The following NIPBL variants were observed in gnomAD, a reference collection of about 807,000 sequenced individuals.
NIPBL encodes nipped-B-like protein.
A neutral mutation model predicts 321.8 loss-of-function variants in NIPBL; 19 were observed. The observed-to-expected ratio is 0.06, with a 90% confidence interval of 0.04 to 0.09. NIPBL has a LOEUF of 0.09. Among genes scored for constraint, NIPBL ranks in the 10% least tolerant of loss-of-function variants. NIPBL has a pLI of 1.00. For synonymous variants in NIPBL, 1,106 were observed against 1,114.1 expected, an observed-to-expected ratio of 0.99 and a Z score of 0.14; for missense variants, 2,210 against 3,327.0, an observed-to-expected ratio of 0.66 and a Z score of 8.26.
At chr5:37,052,756 T>C (rs569301246) in intron 42 of NIPBL, among the ~76,000 whole-genome samples, 190 bp downstream of exon 42, 2 of 152,316 alleles carry the variant, frequency 1.3e-5, no homozygotes, top group East Asian at 3.9e-4. Flanking sequence ...TGAGAATAAG[T>C]GTAATGAGGA....
chr5:36,889,888 A>AT (rs983571018), intron 1 of NIPBL, among the ~76,000 whole-genome samples: 7 of 151,644 alleles, frequency 4.6e-5, no homozygotes, highest in South Asian at 2.1e-4. Context: ...ACTTTTCTTA[A>AT]TTTTTTTTCA....
rs754843510 is a variant in NIPBL, at chr5:37,019,298, G to A, written c.4921-13G>A. On this transcript the variant is annotated splice_polypyrimidine_tract_variant and intron_variant, in intron 24 of 46. Coordinates refer to ENST00000282516, the MANE Select transcript of NIPBL (RefSeq NM_133433.4). ...GTAATATCTTTTTTGTTCTTATTTG[G>A]TTTATTCTATAGGTTTCAGGAGGGG... 4.5e-6 allele frequency: 7 copies of A among 1,567,338 alleles called. No homozygotes were observed. The East Asian group carries it at 1.1e-4, about 25-fold the overall frequency.
chr5:36,900,437 A>G (rs1378693894), intron 1 of NIPBL, among the ~76,000 whole-genome samples: 1 of 152,080 alleles, frequency 6.6e-6, no homozygotes, highest in Admixed American at 6.5e-5. Context: ...CTGTCTAGCT[A>G]TAATATCTCC....
chr5:37,039,533 G>A (rs1024662528), intron 34 of NIPBL, among the ~76,000 whole-genome samples: 6 of 152,008 alleles, frequency 3.9e-5, no homozygotes, highest in African/African-American at 7.2e-5. Flanking sequence ...GCTTTATGAA[G>A]TAGGTACTAT....
At chr5:36,947,119 T>C (rs918292629) in intron 1 of NIPBL, among the ~76,000 whole-genome samples, 3 of 152,064 alleles carry the variant, frequency 2.0e-5, no homozygotes, top group African/African-American at 7.2e-5. Context: ...ATCTGACACA[T>C]AAGAAGTGCC....
At chr5:36,916,599 C>T (rs1748476608) in intron 1 of NIPBL, among the ~76,000 whole-genome samples, 1 of 152,074 alleles carries the variant, frequency 6.6e-6, no homozygotes, top group Non-Finnish European at 1.5e-5. Flanking sequence ...GTGCTGCACC[C>T]ATTAACTCGT....
chr5:36,971,427 T>G (rs1159370777), intron 7 of NIPBL, among the ~76,000 whole-genome samples: 1 of 149,438 alleles, frequency 6.7e-6, no homozygotes, highest in African/African-American at 2.4e-5. Context: ...ACACTAAAAT[T>G]TTTTTTTTTT....
chr5:37,038,912 GT>G (rs1752017332), intron 34 of NIPBL, among the ~76,000 whole-genome samples, 174 bp downstream of exon 34: 1 of 152,074 alleles, frequency 6.6e-6, no homozygotes, highest in African/African-American at 2.4e-5. Flanking sequence ...CATAAATAAA[GT>G]TCAGGTTCCA....
intron 14 of NIPBL, among the ~76,000 whole-genome samples, 191 bp downstream of exon 14, chr5:37,001,269 C>T (rs996296465): frequency 2.6e-5 from 4 of 152,074 alleles, no homozygotes; most frequent in African/African-American, 9.7e-5. Context: ...TTCTGAATCC[C>T]TAACTATGAT....
At chr5:37,052,629 G>C (rs1161172780) in intron 42 of NIPBL, 63 bp downstream of exon 42, 11 of 1,284,054 alleles carry the variant, frequency 8.6e-6, no homozygotes, top group Non-Finnish European at 1.2e-5. Flanking sequence ...GGATAAAGTA[G>C]TCATTTTTTA....
intron 1 of NIPBL, among the ~76,000 whole-genome samples, chr5:36,929,727 T>C (rs558686267): frequency 6.6e-6 from 1 of 152,248 alleles, no homozygotes; most frequent in African/African-American, 2.4e-5. Flanking sequence ...CATTTAGGTA[T>C]TTGATCCATT....
At chr5:36,962,376 A>G (rs116399820) in intron 6 of NIPBL, 102 bp downstream of exon 6, 13,837 of 1,145,734 alleles carry the variant, frequency 0.012, 137 homozygotes, top group Non-Finnish European at 0.014. Flanking sequence ...CTAAAATACT[A>G]TACTGTATAC....
chr5:36,971,894 T>C (rs751820004), intron 7 of NIPBL, 51 bp from the exon 8 acceptor site: 1 of 1,566,758 alleles, frequency 6.4e-7, no homozygotes, highest in South Asian at 1.1e-5. Flanking sequence ...TTAAGATTTC[T>C]ATAAAGCCTC....
At position 37,010,187 on chromosome 5, in the gene NIPBL, GAGA is replaced by G; in HGVS notation, c.4525_4527del (p.Lys1509del). ...GTGTGTGGTACACTTACCATCATCA[GAGA>G]AGGACTCTAATGCAGAAGAAGATTC... is the stretch of plus-strand genomic sequence containing the variant. On this transcript the variant is annotated inframe_deletion, in exon 21 of 47. Transcript: ENST00000282516. 6.2e-7 allele frequency: 1 copy of G among 1,611,234 alleles called. No homozygotes were observed. Among genetic ancestry groups the G allele is most frequent in the Non-Finnish European group, 8.5e-7 (1 of 1,177,552 alleles).
At chr5:37,029,386 G>T (rs115147162) in intron 32 of NIPBL, among the ~76,000 whole-genome samples, 321 of 152,252 alleles carry the variant, frequency 2.1e-3, no homozygotes, top group African/African-American at 7.1e-3. Flanking sequence ...ATTCATTCTT[G>T]TTGCTAATAT....
At position 37,064,400 on chromosome 5, in the gene NIPBL, G is replaced by A. The variant is rs149040648; in HGVS notation, c.8050-127G>A. On this transcript the variant is annotated intron_variant, in intron 46 of 46. Coordinates refer to ENST00000282516, the MANE Select transcript of NIPBL (RefSeq NM_133433.4). The stretch of plus-strand genomic sequence containing the variant: ...GGCGGTCACGGTGCGTCTCATTGCC[G>A]GCAATGGAAGTGTGCCGGGAAATCC... 88 of 1,542,588 alleles carry A rather than the reference G, an allele frequency of 5.7e-5. No homozygotes were observed. In the African/African-American group the frequency reaches 9.6e-4, roughly 17 times the overall value.
At chr5:37,023,404 C>G (rs1749875885) in intron 29 of NIPBL, among the ~76,000 whole-genome samples, 1 of 152,112 alleles carries the variant, frequency 6.6e-6, no homozygotes, top group East Asian at 1.9e-4. Context: ...TTTTAAAACT[C>G]TTTAATATGA....
intron 1 of NIPBL, among the ~76,000 whole-genome samples, chr5:36,882,902 T>G (rs1435216918): frequency 1.3e-5 from 2 of 151,768 alleles, no homozygotes; most frequent in Non-Finnish European, 3.0e-5. Flanking sequence ...AAAACCCACC[T>G]TGTTACTTTA....
At chr5:37,026,204 A>C (rs761367853) in intron 30 of NIPBL, 25 bp from the exon 31 acceptor site, 20 of 1,349,010 alleles carry the variant, frequency 1.5e-5, no homozygotes, top group African/African-American at 2.9e-5. Flanking sequence ...ATAATTAGTT[A>C]ATTTGAAATT....
Sources: allele counts gnomAD v4.1 joint callset (sites outside exome capture counted in the v4.1 genomes callset), GRCh38; gene constraint gnomAD v4.1.1; transcripts MANE v1.5; gene names NCBI Gene and HGNC (gene_info 2026-07-23, HGNC 2026-07-21).